The following ELOVL6 variants were observed in gnomAD, a reference collection of about 807,000 sequenced individuals.
ELOVL6 encodes ELOVL fatty acid elongase 6, also known as very long chain fatty acid elongase 6.
ELOVL6 carries 8 observed loss-of-function variants against 31.7 expected under a neutral mutation model. The observed-to-expected ratio is 0.25, with a 90% CI of 0.15 to 0.45. The LOEUF is 0.45. Among genes scored for constraint, ELOVL6 ranks in the 20% least tolerant of loss-of-function variants. The probability of loss-of-function intolerance (pLI) is 1.00; values close to 1 mark genes in which losing one functional copy is unlikely to be tolerated. For missense variants in ELOVL6, 126 were observed against 326.4 expected, an observed-to-expected ratio of 0.39 and a Z score of 4.73; for synonymous variants, 101 against 117.7, an observed-to-expected ratio of 0.86 and a Z score of 0.92.
At chr4:110,120,618 C>A (rs1757318018) in intron 1 of ELOVL6, among the ~76,000 whole-genome samples, 1 of 152,030 alleles carries the variant, frequency 6.6e-6, no homozygotes, top group African/African-American at 2.4e-5. Flanking sequence ...TCAATTTGAT[C>A]AAAATAGTAA....
chr4:110,162,978 T>TG (rs1193405171), intron 1 of ELOVL6, among the ~76,000 whole-genome samples: 1 of 152,184 alleles, frequency 6.6e-6, no homozygotes, highest in African/African-American at 2.4e-5. Flanking sequence ...AAATGGTCTG[T>TG]GTCCAAGACT....
intron 1 of ELOVL6, among the ~76,000 whole-genome samples, chr4:110,117,457 C>T (rs193060967): frequency 7.9e-5 from 12 of 152,082 alleles, no homozygotes; most frequent in Admixed American, 3.3e-4. Context: ...GTGAGCAGTT[C>T]GATTTAAAAG....
At chr4:110,062,353 G>A (rs763383562) in intron 2 of ELOVL6, among the ~76,000 whole-genome samples, 2 of 152,208 alleles carry the variant, frequency 1.3e-5, no homozygotes, top group African/African-American at 2.4e-5. Context: ...CAGGGAAACC[G>A]TCAGTGCCAG....
At chr4:110,156,268 G>T (rs1241059174) in intron 1 of ELOVL6, among the ~76,000 whole-genome samples, 2 of 152,122 alleles carry the variant, frequency 1.3e-5, no homozygotes, top group African/African-American at 4.8e-5. Context: ...GGTAACAAGT[G>T]ACCTAGAATT....
intron 2 of ELOVL6, among the ~76,000 whole-genome samples, chr4:110,062,812 CTCCAATCACAG>C (rs1408546133): frequency 6.6e-6 from 1 of 152,202 alleles, no homozygotes; most frequent in African/African-American, 2.4e-5. Flanking sequence ...GTACAATAGG[CTCCAATCACAG>C]TCCAATCACT....
intron 1 of ELOVL6, among the ~76,000 whole-genome samples, chr4:110,184,273 T>A (rs916650813): frequency 3.9e-5 from 6 of 152,186 alleles, no homozygotes; most frequent in African/African-American, 1.4e-4. Context: ...GCCTCGTATG[T>A]CCATGCATGC....
rs369328768 is a variant in ELOVL6, at chr4:110,046,053, T to A, written c.*5285A>T. The A allele has an allele frequency of 6.6e-6, 1 of 152,192 alleles. No individual in the cohort carries two copies. Among genetic ancestry groups the A allele is most frequent in the Non-Finnish European group, 1.5e-5 (1 of 68,058 alleles). The allele number at this position is 152,192 out of a possible 1,614,324, so 9.4% of individuals were successfully genotyped here. ...CTGAATCTTCCAGTGGTTTTCAAGA[T>A]AGCAGCAAGCAACCTCCTGCCTGAA... On this transcript the variant is annotated 3_prime_UTR_variant, in exon 4 of 4. Coordinates refer to ENST00000302274, the MANE Select transcript of ELOVL6 (RefSeq NM_024090.3).
intron 1 of ELOVL6, among the ~76,000 whole-genome samples, chr4:110,191,693 C>G (rs546781834): frequency 6.6e-6 from 1 of 152,212 alleles, no homozygotes; most frequent in South Asian, 2.1e-4. Context: ...TGTCTAAAGA[C>G]TGATTAGATG....
chr4:110,193,603 C>A (rs1560866896), intron 1 of ELOVL6, among the ~76,000 whole-genome samples: 1 of 151,870 alleles, frequency 6.6e-6, no homozygotes, highest in African/African-American at 2.4e-5. Context: ...GACCCTGTCT[C>A]AAAAATAAAA....
intron 1 of ELOVL6, among the ~76,000 whole-genome samples, chr4:110,155,900 G>C (rs1758401172): frequency 6.6e-6 from 1 of 152,202 alleles, no homozygotes; most frequent in African/African-American, 2.4e-5. Flanking sequence ...GGGAAGCACA[G>C]CTCATGTTGA....
chr4:110,186,841 A>G (rs561273527), intron 1 of ELOVL6, among the ~76,000 whole-genome samples: 1 of 140,182 alleles, frequency 7.1e-6, no homozygotes, highest in African/African-American at 2.6e-5. Context: ...ATATATATAT[A>G]TATTTATATA....
chr4:110,143,079 C>T (rs1758008944), intron 1 of ELOVL6, among the ~76,000 whole-genome samples: 1 of 152,092 alleles, frequency 6.6e-6, no homozygotes, highest in African/African-American at 2.4e-5. Context: ...TACATGTTGA[C>T]TTATAATTTC....
intron 1 of ELOVL6, among the ~76,000 whole-genome samples, chr4:110,119,613 GC>G (rs1232088277): frequency 6.6e-6 from 1 of 152,110 alleles, no homozygotes; most frequent in Admixed American, 6.5e-5. Context: ...TCTCTATATA[GC>G]TTAGAAGACT....
chr4:110,074,457 T>C (rs1755574884), intron 2 of ELOVL6, among the ~76,000 whole-genome samples: 1 of 152,172 alleles, frequency 6.6e-6, no homozygotes, highest in African/African-American at 2.4e-5. Context: ...CAATATTTCC[T>C]GAACATTTTA....
intron 2 of ELOVL6, among the ~76,000 whole-genome samples, chr4:110,098,043 A>G (rs1388074039): frequency 1.3e-5 from 2 of 152,198 alleles, no homozygotes; most frequent in African/African-American, 4.8e-5. Context: ...AAAACAAATA[A>G]TTAAATGCAC....
chr4:110,156,034 C>G (rs752251507), intron 1 of ELOVL6, among the ~76,000 whole-genome samples: 1 of 152,144 alleles, frequency 6.6e-6, no homozygotes, highest in Non-Finnish European at 1.5e-5. Context: ...GGCACATATC[C>G]AAATATGCCT....
chr4:110,095,404 C>T (rs1057315518), intron 2 of ELOVL6, among the ~76,000 whole-genome samples: 1 of 151,460 alleles, frequency 6.6e-6, no homozygotes, highest in African/African-American at 2.4e-5. Flanking sequence ...ATCACTTGAA[C>T]CCAGGAGAAA....
intron 1 of ELOVL6, among the ~76,000 whole-genome samples, chr4:110,184,006 A>G (rs1200374701): frequency 6.6e-6 from 1 of 152,188 alleles, no homozygotes; most frequent in Non-Finnish European, 1.5e-5. Flanking sequence ...TCAATAAAAT[A>G]TAAAATAAAA....
chr4:110,113,313 C>T (rs1757088774), intron 1 of ELOVL6, among the ~76,000 whole-genome samples: 1 of 151,774 alleles, frequency 6.6e-6, no homozygotes, highest in South Asian at 2.1e-4. Flanking sequence ...GGCATGGTGG[C>T]TCATGCCTGT....
Sources: gnomAD v4.1 joint callset for allele counts (sites outside exome capture counted in the v4.1 genomes callset) on GRCh38, gnomAD v4.1.1 for gene constraint, MANE v1.5 for transcripts, NCBI Gene and HGNC (gene_info 2026-07-23, HGNC 2026-07-21) for gene names.